Variants in ACSF2 observed in about 807,000 individuals in gnomAD.
ACSF2 encodes the protein acyl-CoA synthetase family member 2, also known as medium-chain acyl-CoA ligase ACSF2, mitochondrial.
ACSF2 carries 52 observed loss-of-function variants against 79.3 expected under a neutral mutation model. That is an observed-to-expected ratio of 0.66 (90% CI 0.53 to 0.83). The LOEUF is 0.83. Among genes scored for constraint, ACSF2 ranks in the 40% least tolerant of loss-of-function variants. ACSF2 has a pLI of 0.00. For missense variants in ACSF2, 661 were observed against 803.3 expected (o/e 0.82, Z 2.14); for synonymous variants, 283 against 312.6 (o/e 0.91, Z 1.00).
At chr17:50,473,064 T>C (rs534012848) in intron 12 of ACSF2, 1 of 155,134 alleles carries the variant, frequency 6.4e-6, no homozygotes, top group Non-Finnish European at 1.4e-5. Context: ...GAGACCAGCC[T>C]GGCCAACACA....
At position 50,471,155 on chromosome 17, in the gene ACSF2, T is replaced by G; in HGVS notation, c.1323+20T>G. ...ACGGAGGTGAGCCCCTGACCAAGACTCCAAAGTCCCACCTCCCGTCACCCA... is the reference window on the plus strand; with the variant it reads ...ACGGAGGTGAGCCCCTGACCAAGACGCCAAAGTCCCACCTCCCGTCACCCA... On this transcript the variant is annotated intron_variant, in intron 11 of 15. Coordinates refer to ENST00000300441, the MANE Select transcript of ACSF2 (RefSeq NM_025149.6). The surrounding 1 kb of genome is among the most constrained non-coding windows in gnomAD (Gnocchi z 4.1). 6.2e-7 allele frequency: 1 copy of G among 1,605,422 alleles called. No individual in the cohort carries two copies. The highest frequency in any genetic ancestry group is 8.5e-7 in the Non-Finnish European group (1 of 1,172,364).
At chr17:50,468,570 G>C (rs1304246041) in intron 10 of ACSF2, 2 of 1,614,120 alleles carry the variant, frequency 1.2e-6, no homozygotes, top group Non-Finnish European at 1.7e-6. Context: ...CAGTGCTGCA[G>C]GTGCAATGAC....
At chr17:50,441,633 C>A (rs1328954838) in intron 1 of ACSF2, among the ~76,000 whole-genome samples, 2 of 152,166 alleles carry the variant, frequency 1.3e-5, no homozygotes, top group Non-Finnish European at 1.5e-5. Context: ...CTCATTCCTT[C>A]ATCTGTAAAA....
At chr17:50,441,930 T>C (rs187035482) in intron 1 of ACSF2, among the ~76,000 whole-genome samples, 1 of 152,190 alleles carries the variant, frequency 6.6e-6, no homozygotes, top group Admixed American at 6.5e-5. Context: ...GCCTCGCCCT[T>C]GTGGGCTCAA....
At chr17:50,443,842 G>A (rs8070068) in intron 1 of ACSF2, among the ~76,000 whole-genome samples, 38,984 of 152,018 alleles carry the variant, frequency 0.26, 5,335 homozygotes, top group Non-Finnish European at 0.31. Flanking sequence ...TCTACTTGGG[G>A]AGTTTTTTTT....
chr17:50,469,028 G>T, intron 10 of ACSF2: 1 of 1,337,574 alleles, frequency 7.5e-7, no homozygotes, highest in Admixed American at 3.8e-5. Flanking sequence ...AAGGGGGCGG[G>T]GCCGTTCCCC....
chr17:50,447,496 C>T (rs566854667), intron 1 of ACSF2, among the ~76,000 whole-genome samples: 2 of 151,854 alleles, frequency 1.3e-5, no homozygotes, highest in African/African-American at 4.8e-5. Flanking sequence ...GAGCCGAGAT[C>T]GCGCCACTGC....
At chr17:50,430,569 G>A (rs905917079) in intron 1 of ACSF2, among the ~76,000 whole-genome samples, 1 of 152,160 alleles carries the variant, frequency 6.6e-6, no homozygotes, top group Non-Finnish European at 1.5e-5. Flanking sequence ...GGAGGCTGAG[G>A]CAGGAGAATC....
chr17:50,431,097 A>G (rs927009724), intron 1 of ACSF2, among the ~76,000 whole-genome samples: 6 of 152,214 alleles, frequency 3.9e-5, no homozygotes, highest in African/African-American at 1.4e-4. Flanking sequence ...TGATTTATGA[A>G]TGATTTGGTA....
intron 1 of ACSF2, among the ~76,000 whole-genome samples, chr17:50,438,516 T>C (rs2030616344): frequency 6.6e-6 from 1 of 152,186 alleles, no homozygotes; most frequent in Admixed American, 6.5e-5. Context: ...CTGGGCTCAG[T>C]GGCAGTTTGC....
intron 1 of ACSF2, among the ~76,000 whole-genome samples, chr17:50,446,074 A>T (rs2031279596): frequency 6.6e-6 from 1 of 152,222 alleles, no homozygotes; most frequent in South Asian, 2.1e-4. Context: ...TAAGACAGAG[A>T]TCATGAACAG....
At chr17:50,459,865 A>G (rs767885408) in intron 1 of ACSF2, among the ~76,000 whole-genome samples, 2 of 152,122 alleles carry the variant, frequency 1.3e-5, no homozygotes, top group Non-Finnish European at 2.9e-5. Context: ...CCTCCACTCA[A>G]CATCCCCAGC....
chr17:50,463,608 T>C lies in ACSF2; in HGVS notation c.1046+56T>C. The C allele has an allele frequency of 6.3e-7, 1 of 1,589,870 alleles. No individual in the cohort carries two copies. Among genetic ancestry groups the C allele is most frequent in the Non-Finnish European group, 8.6e-7 (1 of 1,166,556 alleles). On this transcript the variant is annotated intron_variant, in intron 8 of 15. Coordinates refer to ENST00000300441, the MANE Select transcript of ACSF2 (RefSeq NM_025149.6). The surrounding 1 kb of genome is among the most constrained non-coding windows in gnomAD (Gnocchi z 4.6). ...CTGATAAAACCCTCTTCTTCCTCAC[T>C]CCTGGGCCCTGACACCTTTCCAAGC...
At chr17:50,465,847 A>C (rs577764738) in intron 10 of ACSF2, 1 of 1,613,774 alleles carries the variant, frequency 6.2e-7, no homozygotes, top group South Asian at 1.1e-5. Context: ...GCGTGGTTAC[A>C]CCCAGGAAGG....
chr17:50,433,041 C>G (rs1371521672), intron 1 of ACSF2, among the ~76,000 whole-genome samples: 1 of 151,856 alleles, frequency 6.6e-6, no homozygotes, highest in African/African-American at 2.4e-5. Flanking sequence ...GTCCCCTGAG[C>G]AAAAAGAAGC....
rs73349973 is a variant in ACSF2, at chr17:50,467,373, G to A, written c.1215+3079G>A. The stretch of plus-strand genomic sequence containing the variant: ...GCCTTTGCCCCTTCACGGAGCCCAT[G>A]GGCACGATGCTTGCATCCTGGGGGA... On this transcript the variant is annotated intron_variant, in intron 10 of 15. Coordinates refer to ENST00000300441, the MANE Select transcript of ACSF2 (RefSeq NM_025149.6). Among the ~76,000 whole-genome samples the A allele has an allele frequency of 7.4e-3, 1,127 of 152,344 alleles. 15 individuals carry two copies. The highest frequency in any genetic ancestry group is 0.026 in the African/African-American group (1,087 of 41,570).
intron 1 of ACSF2, among the ~76,000 whole-genome samples, chr17:50,436,275 G>A (rs190102235): frequency 3.4e-5 from 5 of 148,444 alleles, no homozygotes; most frequent in African/African-American, 1.2e-4. Context: ...GACTACAGGC[G>A]CCTGCCACCA....
In ACSF2 at chr17:50,463,148, C is replaced by A. The variant is rs751292888; in HGVS notation, c.793-8C>A. On this transcript the variant is annotated splice_polypyrimidine_tract_variant and splice_region_variant and intron_variant, in intron 6 of 15. Transcript: ENST00000300441. This position sits in a 1 kb window ranked among gnomAD's most constrained non-coding sequence, Gnocchi z 4.6. ...GGAGGCCAAGCCATGCCCTGTTTGC[C>A]TTGTCAGGGGACAACAGGCAGCCCC... 1.9e-6 allele frequency: 3 copies of A among 1,613,168 alleles called. No homozygotes were observed. Among genetic ancestry groups the A allele is most frequent in the Admixed American group, 3.3e-5 (2 of 59,984 alleles).
At chr17:50,457,889 A>G (rs1455859173) in intron 1 of ACSF2, among the ~76,000 whole-genome samples, 4 of 152,160 alleles carry the variant, frequency 2.6e-5, no homozygotes, top group Middle Eastern at 3.2e-3. Flanking sequence ...AGTGTGATTC[A>G]TAGAATCCTC....
Sources: gnomAD v4.1 joint callset for allele counts (sites outside exome capture counted in the v4.1 genomes callset) on GRCh38, gnomAD v4.1.1 for gene constraint, Gnocchi (gnomAD v3.1) non-coding constraint, MANE v1.5 for transcripts, NCBI Gene and HGNC (gene_info 2026-07-23, HGNC 2026-07-21) for gene names.